CDC42BPB: variants seen among roughly 807,000 people sequenced by gnomAD.
CDC42BPB encodes the protein serine/threonine-protein kinase MRCK beta.
In CDC42BPB, 37 loss-of-function variants were observed where a neutral mutation model predicts 214.9. The observed-to-expected ratio is 0.17, with a 90% CI of 0.13 to 0.23. The LOEUF (loss-of-function observed/expected upper bound fraction) is 0.23, where lower values mean the gene tolerates loss of function less well. Among genes scored for constraint, CDC42BPB ranks in the 10% least tolerant of loss-of-function variants. The pLI, the probability that CDC42BPB is intolerant of heterozygous loss-of-function variation, is 1.00. For synonymous variants in CDC42BPB, 931 were observed against 884.0 expected (o/e 1.05, Z -0.94); for missense variants, 1,694 against 2,227.0 (o/e 0.76, Z 4.82).
Position 102,990,801 on chromosome 14 carries a change from C to T in CDC42BPB, c.597-4221G>A, listed in dbSNP as rs138747164. ...AGAGGCACAGCGCAAACACAGGAGT[C>T]GGCTAGAATGCCAAATATGGGCCAA... On this transcript the variant is annotated intron_variant, in intron 5 of 36. Transcript: ENST00000361246. 6.9e-3 allele frequency among the ~76,000 whole-genome samples: 1,056 copies of T among 152,206 alleles called. 5 individuals carry two copies. Among genetic ancestry groups the T allele is most frequent in the Non-Finnish European group, 0.011 (777 of 68,020 alleles).
chr14:103,056,925 C>T, intron 1 of CDC42BPB, 74 bp downstream of exon 1: 2 of 829,564 alleles, frequency 2.4e-6, no homozygotes, highest in Non-Finnish European at 1.5e-6. Context: ...CGGGGATGGG[C>T]GGGCGTGGGG....
rs193030330 is a variant in CDC42BPB, at chr14:103,046,715, G to A, written c.175+10284C>T. Among the ~76,000 whole-genome samples, 547 of 152,146 alleles carry A rather than the reference G, an allele frequency of 3.6e-3. 2 individuals carry two copies. The highest frequency in any genetic ancestry group is 0.011 in the African/African-American group (460 of 41,534). Reference sequence around the variant, plus strand: ...GTCACCCAGGCTGGTGTGCAGTGGCGTGATCTCGGCTCACTGCAACCTCTG... The same window carrying A: ...GTCACCCAGGCTGGTGTGCAGTGGCATGATCTCGGCTCACTGCAACCTCTG... On this transcript the variant is annotated intron_variant, in intron 1 of 36. Transcript: ENST00000361246.
chr14:103,054,959 C>T (rs952880889), intron 1 of CDC42BPB, among the ~76,000 whole-genome samples: 6 of 152,262 alleles, frequency 3.9e-5, no homozygotes, highest in African/African-American at 1.4e-4. Flanking sequence ...CCAGGGCCCC[C>T]GCCCTCAGAC....
In CDC42BPB at chr14:102,935,316, A is replaced by G. The variant is rs1891601694; in HGVS notation, c.5005-1473T>C. Among the ~76,000 whole-genome samples the G allele has an allele frequency of 3.9e-5, 6 of 152,326 alleles. No individual in the cohort carries two copies. In the South Asian group the frequency reaches 1.2e-3, roughly 32 times the overall value. On this transcript the variant is annotated intron_variant, in intron 36 of 36. Coordinates refer to ENST00000361246, the MANE Select transcript of CDC42BPB (RefSeq NM_006035.4). The stretch of plus-strand genomic sequence containing the variant: ...GTGTTTCTATACACCAGAAATGAAC[A>G]CACTGAAAAGGAAACTGAAAAAAAA...
intron 1 of CDC42BPB, among the ~76,000 whole-genome samples, chr14:103,028,186 G>A (rs577079019): frequency 5.3e-5 from 8 of 152,058 alleles, no homozygotes; most frequent in Non-Finnish European, 1.2e-4. Context: ...CTGTGATATG[G>A]GTCACAACAG....
rs186856659 is a variant in CDC42BPB at position 103,002,099 on chromosome 14, G to A, written c.447+1829C>T. 2.0e-5 allele frequency among the ~76,000 whole-genome samples: 3 copies of A among 152,270 alleles called. No individual in the cohort carries two copies. The East Asian group carries it at 5.8e-4, about 29-fold the overall frequency. On this transcript the variant is annotated intron_variant, in intron 4 of 36. Coordinates refer to ENST00000361246, the MANE Select transcript of CDC42BPB (RefSeq NM_006035.4). ...TCCAATAGAAACTGTAGCAGAACCC[G>A]CTCTGTGGGTGGTCAGAGGAACCCA...
At chr14:102,940,400 C>T in intron 30 of CDC42BPB, 76 bp from the exon 31 acceptor site, 1 of 1,543,448 alleles carries the variant, frequency 6.5e-7, no homozygotes, top group East Asian at 2.5e-5. Flanking sequence ...GAGGCCAAGC[C>T]TTGGCACTTG....
At chr14:103,013,114 T>C (rs912405134) in intron 1 of CDC42BPB, among the ~76,000 whole-genome samples, 4 of 152,196 alleles carry the variant, frequency 2.6e-5, no homozygotes, top group Admixed American at 6.5e-5. Flanking sequence ...TCAAAGCCAA[T>C]AGGTGAACAC....
In CDC42BPB at chr14:102,957,775, A is replaced by G. The variant is rs545912248; in HGVS notation, c.2901+1856T>C. The stretch of plus-strand genomic sequence containing the variant: ...CACCCCAAGGGAGGCTGCTACGGGC[A>G]GATGCCCACATGGGCACCTGCTGAC... On this transcript the variant is annotated intron_variant, in intron 21 of 36. Coordinates refer to ENST00000361246, the MANE Select transcript of CDC42BPB (RefSeq NM_006035.4). Among the ~76,000 whole-genome samples, 10 of 152,336 alleles carry G rather than the reference A, an allele frequency of 6.6e-5. No homozygotes were observed. The East Asian group carries it at 1.3e-3, about 21-fold the overall frequency.
Position 103,012,012 on chromosome 14 carries a change from A to G in CDC42BPB, c.267+85T>C, listed in dbSNP as rs560684523. ...TACTAATTACCTCATCCCCAAACCA[A>G]TGTATAGGTGCACAAAAAGGTGAAA... is the stretch of plus-strand genomic sequence containing the variant. On this transcript the variant is annotated intron_variant, in intron 2 of 36. Transcript: ENST00000361246. 136 of 850,934 alleles carry G rather than the reference A, an allele frequency of 1.6e-4. No homozygotes were observed. The South Asian group carries it at 1.8e-3, about 11-fold the overall frequency. 52.7% of individuals were successfully genotyped at this position (850,934 alleles called of 1,614,324 possible).
At chr14:103,052,662 A>T (rs2139790191) in intron 1 of CDC42BPB, among the ~76,000 whole-genome samples, 1 of 152,304 alleles carries the variant, frequency 6.6e-6, no homozygotes, top group South Asian at 2.1e-4. Flanking sequence ...AATTCTATTC[A>T]TGAAGAGGAA....
chr14:102,973,718 C>T (rs1395902085), intron 12 of CDC42BPB, among the ~76,000 whole-genome samples: 3 of 152,130 alleles, frequency 2.0e-5, no homozygotes, highest in Non-Finnish European at 4.4e-5. Flanking sequence ...GTGCTGCTTT[C>T]TCTGTGGGTC....
chr14:102,938,666 TC>T (rs1324951307), intron 34 of CDC42BPB: 1 of 602,704 alleles, frequency 1.7e-6, no homozygotes, highest in Non-Finnish European at 2.1e-6. Flanking sequence ...TCTTGCTCTG[TC>T]CCCCAGGCTG....
At chr14:102,954,725 A>T (rs200203790) in intron 21 of CDC42BPB, 37 bp from the exon 22 acceptor site, 1 of 1,587,946 alleles carries the variant, frequency 6.3e-7, no homozygotes, top group East Asian at 2.2e-5. Context: ...GGGTGAAAGG[A>T]CATATTCTAC....
intron 24 of CDC42BPB, 49 bp downstream of exon 24, chr14:102,952,449 G>T: frequency 1.7e-6 from 2 of 1,197,986 alleles, no homozygotes; most frequent in Non-Finnish European, 2.4e-6. Flanking sequence ...CTTAGCTGCA[G>T]GGGTGTGGGG....
intron 1 of CDC42BPB, among the ~76,000 whole-genome samples, chr14:103,019,362 G>T (rs1886643201): frequency 6.6e-6 from 1 of 152,162 alleles, no homozygotes; most frequent in Admixed American, 6.5e-5. Flanking sequence ...ACCACGCCTT[G>T]CATTGCCCAC....
Position 102,992,847 on chromosome 14 carries a change from G to T in CDC42BPB, c.597-6267C>A, listed in dbSNP as rs1237026994. Among the ~76,000 whole-genome samples, 5 of 149,460 alleles carry T rather than the reference G, an allele frequency of 3.3e-5. No individual in the cohort carries two copies. The East Asian group carries it at 9.8e-4, about 29-fold the overall frequency. ...TATTTATTTATTTATTTATTTTTGAGACAGAGTCTCACTCTGTCACCCAGG... is the reference window on the plus strand; with the variant it reads ...TATTTATTTATTTATTTATTTTTGATACAGAGTCTCACTCTGTCACCCAGG... On this transcript the variant is annotated intron_variant, in intron 5 of 36. Coordinates refer to ENST00000361246, the MANE Select transcript of CDC42BPB (RefSeq NM_006035.4).
chr14:102,988,214 G>C (rs539892716), intron 5 of CDC42BPB, among the ~76,000 whole-genome samples: 1 of 152,248 alleles, frequency 6.6e-6, no homozygotes, highest in African/African-American at 2.4e-5. Flanking sequence ...AGGAAACGCA[G>C]TCAGATAGGA....
chr14:102,955,123 C>G (rs1438665938), intron 21 of CDC42BPB, among the ~76,000 whole-genome samples: 1 of 152,234 alleles, frequency 6.6e-6, no homozygotes, highest in Non-Finnish European at 1.5e-5. Context: ...GCCTAGCAGC[C>G]TTAAGATCAA....
Sources: allele counts gnomAD v4.1 joint callset (sites outside exome capture counted in the v4.1 genomes callset), GRCh38; gene constraint gnomAD v4.1.1; transcripts MANE v1.5; gene names NCBI Gene and HGNC (gene_info 2026-07-23, HGNC 2026-07-21).